LRRK2: variants seen among roughly 807,000 people sequenced by gnomAD.
LRRK2 encodes leucine-rich repeat serine/threonine-protein kinase 2.
In LRRK2, 203 loss-of-function variants were observed where a neutral mutation model predicts 302.6. That is an observed-to-expected ratio of 0.67 (90% confidence interval 0.60 to 0.75). The LOEUF (loss-of-function observed/expected upper bound fraction) is 0.75, where lower values mean the gene tolerates loss of function less well. LRRK2 is among the 30% of genes least tolerant of loss of function. The probability of loss-of-function intolerance (pLI) is 0.00; values close to 1 mark genes in which losing one functional copy is unlikely to be tolerated. For synonymous variants in LRRK2, 1,066 were observed against 1,031.9 expected (o/e 1.03, Z -0.63); for missense variants, 2,830 against 2,951.0 (o/e 0.96, Z 0.95).
chr12:40,275,569 T>A (rs1394683593), intron 16 of LRRK2, among the ~76,000 whole-genome samples: 1 of 152,144 alleles, frequency 6.6e-6, no homozygotes, highest in East Asian at 1.9e-4. Context: ...CAAGAGTTTC[T>A]GCCTTGGTTG....
chr12:40,321,286 A>G (rs532137306), intron 35 of LRRK2, 98 bp downstream of exon 35: 6 of 1,175,974 alleles, frequency 5.1e-6, no homozygotes, highest in African/African-American at 1.6e-5. Flanking sequence ...GAAAAGTAAT[A>G]TGCCATTTTC....
intron 33 of LRRK2, 134 bp downstream of exon 33, chr12:40,315,434 C>T (rs558912478): frequency 1.5e-5 from 11 of 749,744 alleles, no homozygotes; most frequent in South Asian, 5.7e-5. Flanking sequence ...AACTGTGGAA[C>T]ATTTCACATA....
intron 44 of LRRK2, among the ~76,000 whole-genome samples, chr12:40,352,090 T>C (rs1946369871): frequency 6.6e-6 from 1 of 152,088 alleles, no homozygotes; most frequent in Admixed American, 6.6e-5. Context: ...GGAATATGAA[T>C]AGGAGCACAG....
At chr12:40,266,234 A>C (rs1321919184) in intron 14 of LRRK2, among the ~76,000 whole-genome samples, 1 of 152,012 alleles carries the variant, frequency 6.6e-6, no homozygotes, top group Non-Finnish European at 1.5e-5. Context: ...AATGGGAGAA[A>C]ATTTTTGCAA....
chr12:40,354,915 T>G (rs1946480352), intron 45 of LRRK2, among the ~76,000 whole-genome samples: 1 of 151,934 alleles, frequency 6.6e-6, no homozygotes, highest in African/African-American at 2.4e-5. Flanking sequence ...ACTACCAAAT[T>G]AAGAAAAAAA....
Position 40,367,760 on chromosome 12 carries a change from G to C in LRRK2, c.7579G>C (p.Glu2527Gln), listed in dbSNP as rs1946924464. 2 of 1,604,054 alleles carry C rather than the reference G, an allele frequency of 1.2e-6. No individual in the cohort carries two copies. The highest frequency in any genetic ancestry group is 1.7e-6 in the Non-Finnish European group (2 of 1,174,412). The change falls in exon 51 of 51, where the codon GAG becomes CAG. Residue 2527 changes from glutamate to glutamine, a missense_variant. Transcript: ENST00000298910. ...LAEKMRRTSV[E>Q] ...TGAAAAAATGAGACGAACATCTGTTGAGTAAGAGAGAAATAGGAATTGTCT... is the reference window on the plus strand; with the variant it reads ...TGAAAAAATGAGACGAACATCTGTTCAGTAAGAGAGAAATAGGAATTGTCT...
chr12:40,286,366 G>A (rs1565713558), intron 19 of LRRK2: 1 of 151,828 alleles, frequency 6.6e-6, no homozygotes, highest in Non-Finnish European at 1.5e-5. Flanking sequence ...TGGGTATATG[G>A]GTATAGTGTA....
intron 14 of LRRK2, among the ~76,000 whole-genome samples, chr12:40,270,779 C>T (rs974575447): frequency 1.2e-4 from 18 of 151,936 alleles, no homozygotes; most frequent in African/African-American, 4.4e-4. Flanking sequence ...TCTTGAGTTG[C>T]ATCTTTATAT....
Position 40,369,064 on chromosome 12 carries a change from G to T in LRRK2, c.*1299G>T, listed in dbSNP as rs967725609. 6.6e-6 allele frequency: 1 copy of T among 151,548 alleles called. No individual in the cohort carries two copies. The highest frequency in any genetic ancestry group is 1.5e-5 in the Non-Finnish European group (1 of 67,742). The allele number at this position is 151,548 out of a possible 1,614,324, so 9.4% of individuals were successfully genotyped here. A position where few individuals can be genotyped will look rare whatever the true frequency, so the allele number is the denominator to read the frequency against. ...AACTTTAAATTTATTTATATTAAGG[G>T]TAATCAAATTCTTAAAGATGAAAGA... On this transcript the variant is annotated 3_prime_UTR_variant, in exon 51 of 51. Transcript: ENST00000298910.
intron 47 of LRRK2, 132 bp downstream of exon 47, chr12:40,359,576 T>G: frequency 1.1e-6 from 1 of 869,936 alleles, no homozygotes; most frequent in Middle Eastern, 3.6e-4. Context: ...TATCATAAAA[T>G]TAAACTTTCA....
rs1942563893 is a variant in LRRK2 at position 40,257,318 on chromosome 12, A to G, written c.1359A>G (p.Ile453Met). Residue 453 changes from isoleucine (I) to methionine (M), a missense_variant, in exon 12 of 51, where the codon ATA becomes ATG. By Grantham distance (10) the Ile-to-Met change is conservative. Around this residue, in one of 3 missense-constraint regions of LRRK2, gnomAD observed 2,121 missense variants for 2,148.0 expected, o/e 0.99. Transcript: ENST00000298910. ...TTTTGGAGTTAATGCAGAAGCATAT[A>G]CATTCTCCTGAAGTGGCTGAAAGTG... ...LNVLELMQKH[I>M]HSPEVAESGC... The G allele has an allele frequency of 6.2e-7, 1 of 1,611,616 alleles. No homozygotes were observed. Among genetic ancestry groups the G allele is most frequent in the Admixed American group, 1.7e-5 (1 of 59,952 alleles).
chr12:40,274,769 A>T (rs779686879), intron 15 of LRRK2, 42 bp downstream of exon 15: 11 of 1,612,930 alleles, frequency 6.8e-6, no homozygotes, highest in Middle Eastern at 1.7e-4. Context: ...AGATTTTTGT[A>T]GGGCATTAGC....
intron 43 of LRRK2, among the ~76,000 whole-genome samples, chr12:40,350,026 G>A (rs992137840): frequency 6.6e-6 from 1 of 152,188 alleles, no homozygotes; most frequent in Admixed American, 6.5e-5. Context: ...ACAAGCTTGT[G>A]AGTAGCAATT....
At chr12:40,317,909 G>T (rs932587554) in intron 33 of LRRK2, among the ~76,000 whole-genome samples, 17 of 152,048 alleles carry the variant, frequency 1.1e-4, no homozygotes, top group Non-Finnish European at 1.5e-5. Context: ...GCTCAGCTGC[G>T]TGGTTCTGCT....
chr12:40,358,656 A>G (rs1297717196), intron 46 of LRRK2, among the ~76,000 whole-genome samples: 4 of 152,170 alleles, frequency 2.6e-5, no homozygotes, highest in Non-Finnish European at 5.9e-5. Flanking sequence ...AGGTAGTGTG[A>G]TGCCTCCAGC....
intron 6 of LRRK2, among the ~76,000 whole-genome samples, chr12:40,241,079 G>A (rs1489971712): frequency 6.6e-6 from 1 of 152,240 alleles, no homozygotes; most frequent in African/African-American, 2.4e-5. Flanking sequence ...AAAGATGCTG[G>A]AGCAAGAGAG....
intron 43 of LRRK2, 43 bp from the exon 44 acceptor site, chr12:40,351,496 T>C: frequency 6.3e-7 from 1 of 1,589,632 alleles, no homozygotes; most frequent in Non-Finnish European, 8.6e-7. Flanking sequence ...GGGAAATGAG[T>C]TAACTCGATA....
intron 20 of LRRK2, among the ~76,000 whole-genome samples, chr12:40,288,378 A>G (rs1469874359): frequency 6.6e-6 from 1 of 151,760 alleles, no homozygotes; most frequent in Non-Finnish European, 1.5e-5. Context: ...TCATTATCCA[A>G]AAAAGTTTCT....
chr12:40,307,574 A>G (rs1231148177), intron 28 of LRRK2, among the ~76,000 whole-genome samples: 1 of 151,962 alleles, frequency 6.6e-6, no homozygotes, highest in African/African-American at 2.4e-5. Context: ...ATATACTATT[A>G]TATGCATATG....
Sources: gnomAD v4.1 joint callset for allele counts (sites outside exome capture counted in the v4.1 genomes callset) on GRCh38, gnomAD v4.1.1 for gene constraint, gnomAD v4.1.1 regional missense constraint, MANE v1.5 for transcripts, NCBI Gene and HGNC (gene_info 2026-07-23, HGNC 2026-07-21) for gene names.